The following DZIP3 variants were observed in gnomAD, a reference collection of about 807,000 sequenced individuals.
DZIP3 encodes the protein DAZ interacting zinc finger protein 3.
In DZIP3, 118 loss-of-function variants were observed where a neutral mutation model predicts 162.0. The ratio of observed to expected loss-of-function variants is 0.73; its 90% confidence interval spans 0.63 to 0.85. The LOEUF is 0.85. DZIP3 is among the 40% of genes least tolerant of loss of function. DZIP3 has a pLI of 0.00. For missense variants in DZIP3, 1,331 were observed against 1,407.0 expected (o/e 0.95, Z 0.86); for synonymous variants, 438 against 458.6 (o/e 0.96, Z 0.57).
chr3:108,662,198 A>G lies in DZIP3; in HGVS notation c.2364A>G (p.Lys788=). ...WQENQMQIKK[K]DKIIASLNQQ... ...AAAACCAAATGCAGATTAAAAAGAAAGACAAAATTATCGCATCTCTTAATC... is the reference window on the plus strand; with the variant it reads ...AAAACCAAATGCAGATTAAAAAGAAGGACAAAATTATCGCATCTCTTAATC... The change falls in exon 21 of 33, where the codon AAA becomes AAG. Residue 788 remains lysine (K), a synonymous_variant. Coordinates refer to ENST00000361582, the MANE Select transcript of DZIP3 (RefSeq NM_014648.4). 1.2e-6 allele frequency: 2 copies of G among 1,610,422 alleles called. No homozygotes were observed. Among genetic ancestry groups the G allele is most frequent in the South Asian group, 1.1e-5 (1 of 89,870 alleles).
intron 8 of DZIP3, among the ~76,000 whole-genome samples, chr3:108,632,267 T>C (rs1941925008): frequency 6.6e-6 from 1 of 152,056 alleles, no homozygotes; most frequent in South Asian, 2.1e-4. Flanking sequence ...AGAGATAGAG[T>C]CTCATTCTGT....
rs577314117 is a variant in DZIP3, at chr3:108,661,640, A to G, written c.2200-237A>G. Reference sequence around the variant, plus strand: ...CCCTAAAACTTAAAGTATAATAATTAAAAAAAAAGAAATGGTAAGCATGCC... The same window carrying G: ...CCCTAAAACTTAAAGTATAATAATTGAAAAAAAAGAAATGGTAAGCATGCC... On this transcript the variant is annotated intron_variant, in intron 19 of 32. Transcript: ENST00000361582. 2.3e-4 allele frequency among the ~76,000 whole-genome samples: 35 copies of G among 150,702 alleles called. No individual in the cohort carries two copies. In the South Asian group the frequency reaches 7.3e-3, roughly 32 times the overall value.
chr3:108,684,169 A>G, intron 26 of DZIP3, 47 bp from the exon 27 acceptor site: 3 of 1,541,932 alleles, frequency 1.9e-6, no homozygotes, highest in Non-Finnish European at 2.6e-6. Flanking sequence ...ATATATAAAT[A>G]TGTGGGGGGG....
At chr3:108,616,721 C>A (rs1169101230) in intron 5 of DZIP3, 64 bp downstream of exon 5, 2 of 1,121,736 alleles carry the variant, frequency 1.8e-6, no homozygotes, top group Non-Finnish European at 2.6e-6. Context: ...AGTGAGAAAA[C>A]AGCCAATGCA....
In DZIP3 at chr3:108,688,183, C is replaced by T. The variant is rs1173369375; in HGVS notation, c.3270+87C>T. The T allele has an allele frequency of 3.4e-6, 5 of 1,454,334 alleles. No individual in the cohort carries two copies. In the Admixed American group the frequency reaches 1.1e-4, roughly 31 times the overall value. 90.1% of individuals were successfully genotyped at this position (1,454,334 alleles called of 1,614,324 possible). A position where few individuals can be genotyped will look rare whatever the true frequency, so the allele number is the denominator to read the frequency against. On this transcript the variant is annotated intron_variant, in intron 29 of 32. Transcript: ENST00000361582. Reference sequence around the variant, plus strand: ...GTTTTAAATATCTCCATAACCTGTTCAGAAAATCAGTAACTTGTAATCATA... The same window carrying T: ...GTTTTAAATATCTCCATAACCTGTTTAGAAAATCAGTAACTTGTAATCATA...
intron 19 of DZIP3, among the ~76,000 whole-genome samples, chr3:108,658,347 C>T (rs1164659887): frequency 6.6e-5 from 10 of 152,018 alleles, no homozygotes; most frequent in African/African-American, 1.9e-4. Context: ...CACTCAAAAC[C>T]GCTCAACTAC....
At position 108,669,688 on chromosome 3, in the gene DZIP3, C is replaced by T. The variant is rs149807869; in HGVS notation, c.2431C>T (p.Arg811Cys). The T allele has an allele frequency of 3.1e-6, 5 of 1,610,524 alleles. No homozygotes were observed. The African/African-American group carries it at 4.0e-5, about 13-fold the overall frequency. The change falls in exon 22 of 33, where the codon CGT becomes TGT. Residue 811 changes from arginine (R) to cysteine (C), a missense_variant. By Grantham distance (180) the Arg-to-Cys change is radical. This residue lies in a region of DZIP3 where 1,278 missense variants were observed against 1,317.1 expected (regional missense o/e 0.97). Coordinates refer to ENST00000361582, the MANE Select transcript of DZIP3 (RefSeq NM_014648.4). Reference sequence around the variant, plus strand: ...TCTTGCTTGTTTGCTTAGATTACAGCGTCAAATCCATGCTAAAGATAATGA... The same window carrying T: ...TCTTGCTTGTTTGCTTAGATTACAGTGTCAAATCCATGCTAAAGATAATGA... ...FGINKVSKLQ[R>C]QIHAKDNEIK...
chr3:108,674,306 G>C (rs1944023626), intron 24 of DZIP3, 125 bp downstream of exon 24: 2 of 655,044 alleles, frequency 3.1e-6, no homozygotes, highest in Admixed American at 3.5e-5. Flanking sequence ...AAGCTCTTGT[G>C]GTTTTTTTGG....
intron 10 of DZIP3, 85 bp downstream of exon 10, chr3:108,635,057 T>C (rs1391594331): frequency 1.3e-6 from 1 of 755,950 alleles, no homozygotes; most frequent in Non-Finnish European, 2.1e-6. Flanking sequence ...TTTCTTCCTG[T>C]TCATAACTTC....
chr3:108,646,686 T>A (rs1180212456), intron 15 of DZIP3, 37 bp downstream of exon 15: 2 of 1,390,240 alleles, frequency 1.4e-6, no homozygotes, highest in Non-Finnish European at 2.0e-6. Flanking sequence ...TAAATGACTT[T>A]TTAACAAGGG....
At chr3:108,648,717 T>G (rs1463436505) in intron 16 of DZIP3, 2 of 262,628 alleles carry the variant, frequency 7.6e-6, no homozygotes, top group Admixed American at 1.1e-4. Context: ...CCTTTATTCA[T>G]CAGTGATTAT....
rs185796865 is a variant in DZIP3 at position 108,608,332 on chromosome 3, A to G, written c.102+174A>G. On this transcript the variant is annotated intron_variant, in intron 3 of 32. Coordinates refer to ENST00000361582, the MANE Select transcript of DZIP3 (RefSeq NM_014648.4). Reference sequence around the variant, plus strand: ...GTTAAATCTTGCTTTGATGATTGATACTGTATCTCAAGGTTGTCATTCTAA... The same window carrying G: ...GTTAAATCTTGCTTTGATGATTGATGCTGTATCTCAAGGTTGTCATTCTAA... Among the ~76,000 whole-genome samples, 15 of 152,280 alleles carry G rather than the reference A, an allele frequency of 9.9e-5. No individual in the cohort carries two copies. In the East Asian group the frequency reaches 2.5e-3, roughly 25 times the overall value.
At chr3:108,639,505 G>A (rs535396819) in intron 12 of DZIP3, among the ~76,000 whole-genome samples, 6 of 152,296 alleles carry the variant, frequency 3.9e-5, no homozygotes, top group South Asian at 2.1e-4. Context: ...AGTCAGAGAC[G>A]TTGTGGGAAA....
chr3:108,663,436 G>T (rs1576440780), intron 21 of DZIP3, among the ~76,000 whole-genome samples: 1 of 151,660 alleles, frequency 6.6e-6, no homozygotes, highest in African/African-American at 2.4e-5. Flanking sequence ...CATGCCTGTA[G>T]TCCCAGCTAC....
At chr3:108,620,352 A>G (rs1941266781) in intron 5 of DZIP3, among the ~76,000 whole-genome samples, 1 of 152,240 alleles carries the variant, frequency 6.6e-6, no homozygotes, top group Non-Finnish European at 1.5e-5. Flanking sequence ...TGTTTGCACA[A>G]ATAGTCTAGA....
chr3:108,684,304 G>T lies in DZIP3; in HGVS notation c.2972G>T (p.Gly991Val), dbSNP rs2107414275. ...TVPQMPAVCP[G>V]VVSATGQPRA... ...CCTCAAATGCCTGCAGTTTGCCCGG[G>T]AGTCGTCTCTGCAACTGGCCAACCT... The change falls in exon 27 of 33, where the codon GGA becomes GTA. Residue 991 changes from glycine (G) to valine (V), a missense_variant. Physicochemically the swap from Gly to Val is moderately radical, Grantham distance 109. This residue lies in a region of DZIP3 where 1,278 missense variants were observed against 1,317.1 expected (regional missense o/e 0.97). Coordinates refer to ENST00000361582, the MANE Select transcript of DZIP3 (RefSeq NM_014648.4). 6.2e-7 allele frequency: 1 copy of T among 1,613,040 alleles called. No individual in the cohort carries two copies. Among genetic ancestry groups the T allele is most frequent in the Admixed American group, 1.7e-5 (1 of 59,920 alleles).
chr3:108,634,899 G>A lies in DZIP3; in HGVS notation c.845G>A (p.Ser282Asn), dbSNP rs200630414. 2.2e-4 allele frequency: 348 copies of A among 1,608,358 alleles called. 4 individuals are homozygous for A. In the South Asian group the frequency reaches 3.7e-3, roughly 17 times the overall value. ...KGFFQLMCSK[S>N]CCVYFHKICW... ...TTTTTTCAGTTAATGTGCAGTAAAA[G>A]TTGCTGTGTTTATTTCCATAAAATT... Residue 282 changes from serine to asparagine, a missense_variant, in exon 10 of 33, where the codon AGT (serine) becomes AAT (asparagine). Transcript: ENST00000361582.
chr3:108,631,055 A>ACACACACACACACACACACATACACTCT lies in DZIP3; in HGVS notation c.696+1880_696+1881insACACACACACACACACACATACACTCTC. On this transcript the variant is annotated intron_variant, in intron 8 of 32. Coordinates refer to ENST00000361582, the MANE Select transcript of DZIP3 (RefSeq NM_014648.4). Reference sequence around the variant, plus strand: ...CACACACACACACACACACACACACACTCTCTCTCTCTCTCTCTCTCTCTC... The same window carrying ACACACACACACACACACACATACACTCT: ...CACACACACACACACACACACACACACACACACACACACACACACATACACTCTCTCTCTCTCTCTCTCTCTCTCTCTC... Among the ~76,000 whole-genome samples the ACACACACACACACACACACATACACTCT allele has an allele frequency of 1.1e-3, 20 of 18,008 alleles. 1 individual carries two copies. Among genetic ancestry groups the ACACACACACACACACACACATACACTCT allele is most frequent in the Admixed American group, 3.4e-3 (4 of 1,176 alleles). The allele number at this position is 18,008 out of a possible 152,430, so 11.8% of individuals were successfully genotyped here.
At chr3:108,646,686 T>C in intron 15 of DZIP3, 37 bp downstream of exon 15, 7 of 1,390,356 alleles carry the variant, frequency 5.0e-6, no homozygotes, top group Non-Finnish European at 6.9e-6. Context: ...TAAATGACTT[T>C]TTAACAAGGG....
Sources: allele counts gnomAD v4.1 joint callset (sites outside exome capture counted in the v4.1 genomes callset), GRCh38; gene constraint gnomAD v4.1.1; regional missense constraint gnomAD v4.1.1; transcripts MANE v1.5; gene names NCBI Gene and HGNC (gene_info 2026-07-23, HGNC 2026-07-21).